The following ACOT13 variants were observed in gnomAD, a reference collection of about 807,000 sequenced individuals.
The protein encoded by ACOT13 is acyl-CoA thioesterase 13.
In ACOT13, 10 loss-of-function variants were observed where a neutral mutation model predicts 11.8. That is an observed-to-expected ratio of 0.85 (90% CI 0.53 to 1.44). ACOT13 has a LOEUF of 1.44. Ranked by LOEUF, ACOT13 falls within the 40% of genes most tolerant of loss-of-function variation. ACOT13 has a pLI of 0.00. For missense variants in ACOT13, 172 were observed against 174.1 expected (o/e 0.99, Z 0.07); for synonymous variants, 53 against 61.0 (o/e 0.87, Z 0.61).
chr6:24,685,332 C>CTTTTTTTTTTTTTTTTTTTTTT (rs563020332), intron 1 of ACOT13, among the ~76,000 whole-genome samples: 3 of 116,762 alleles, frequency 2.6e-5, no homozygotes, highest in Admixed American at 9.0e-5. Context: ...TTTTACTGTA[C>CTTTTTTTTTTTTTTTTTTTTTT]TTTTTTTTTT....
chr6:24,687,754 A>G lies in ACOT13; in HGVS notation c.82-10129A>G, dbSNP rs1778655801. 2.1e-6 allele frequency: 3 copies of G among 1,418,018 alleles called. No individual in the cohort carries two copies. In the African/African-American group the frequency reaches 4.9e-5, roughly 23 times the overall value. 87.8% of individuals were successfully genotyped at this position (1,418,018 alleles called of 1,614,324 possible). On this transcript the variant is annotated intron_variant, in intron 1 of 2. Transcript: ENST00000230048. ...GAGACAGAGTCTCACTTTATTGCCC[A>G]GGCTGGAGTACAATGGTACGATCTT...
In ACOT13 at chr6:24,671,657, A is replaced by G. The variant is rs1467080241; in HGVS notation, c.81+4313A>G. On this transcript the variant is annotated intron_variant, in intron 1 of 2. Coordinates refer to ENST00000230048, the MANE Select transcript of ACOT13 (RefSeq NM_018473.4). ...AAGAAAACATTATCAAGAATAAATAATGAATCTCAAAAAACAACAACAGCA... is the reference window on the plus strand; with the variant it reads ...AAGAAAACATTATCAAGAATAAATAGTGAATCTCAAAAAACAACAACAGCA... Among the ~76,000 whole-genome samples the G allele has an allele frequency of 3.9e-5, 6 of 152,170 alleles. No homozygotes were observed. The East Asian group carries it at 7.7e-4, about 19-fold the overall frequency.
chr6:24,704,602 C>G lies in ACOT13; in HGVS notation c.*2987C>G, dbSNP rs950562620. The G allele has an allele frequency of 1.3e-5, 2 of 152,180 alleles. No individual in the cohort carries two copies. The highest frequency in any genetic ancestry group is 4.8e-5 in the African/African-American group (2 of 41,452). 9.4% of individuals were successfully genotyped at this position (152,180 alleles called of 1,614,324 possible). A position where few individuals can be genotyped will look rare whatever the true frequency, so the allele number is the denominator to read the frequency against. On this transcript the variant is annotated 3_prime_UTR_variant, in exon 3 of 3. Transcript: ENST00000230048. ...TTCAAAATGTTATTTCAAATAGATTCTAATTTTTAAATAAGAGGACACATG... is the reference window on the plus strand; with the variant it reads ...TTCAAAATGTTATTTCAAATAGATTGTAATTTTTAAATAAGAGGACACATG...
At chr6:24,697,588 A>G (rs1043485546) in intron 1 of ACOT13, among the ~76,000 whole-genome samples, 1 of 152,220 alleles carries the variant, frequency 6.6e-6, no homozygotes, top group African/African-American at 2.4e-5. Flanking sequence ...CGAAGTTCCA[A>G]TGAGACATTA....
intron 1 of ACOT13, among the ~76,000 whole-genome samples, chr6:24,686,600 T>C (rs116071560): frequency 0.012 from 1,815 of 149,556 alleles, 25 homozygotes; most frequent in African/African-American, 0.032. Context: ...TTCCTTCCTT[T>C]CTTTCTTTTC....
At chr6:24,685,052 T>A (rs894745407) in intron 1 of ACOT13, among the ~76,000 whole-genome samples, 25 of 152,116 alleles carry the variant, frequency 1.6e-4, no homozygotes, top group African/African-American at 6.0e-4. Flanking sequence ...CTTAAATCTT[T>A]CCATACTTAA....
chr6:24,672,046 A>T lies in ACOT13; in HGVS notation c.81+4702A>T, dbSNP rs375322187. On this transcript the variant is annotated intron_variant, in intron 1 of 2. Transcript: ENST00000230048. ...TGGACTTCAGGGAATCTAATATCTT[A>T]AAGGACTAATTAGGTCAGAAAAAGA... 5.1e-4 allele frequency among the ~76,000 whole-genome samples: 77 copies of T among 152,376 alleles called. 2 individuals are homozygous for T. The East Asian group carries it at 8.9e-3, about 18-fold the overall frequency.
rs369757449 is a variant in ACOT13 at position 24,697,973 on chromosome 6, G to A, written c.172G>A (p.Gly58Ser). The A allele has an allele frequency of 4.8e-5, 77 of 1,613,672 alleles. No individual in the cohort carries two copies. The highest frequency in any genetic ancestry group is 6.1e-5 in the Non-Finnish European group (72 of 1,179,914). The part of the protein sequence containing the change: ...HTNAIGTLHG[G>S]LTATLVDNIS... ...CAATGCAATAGGCACTCTCCACGGC[G>A]GTTTGACAGCCACGTTAGTAGATAA... The change falls in exon 2 of 3, where the codon GGT becomes AGT. Residue 58 changes from glycine (G) to serine (S), a missense_variant. By Grantham distance (56) the Gly-to-Ser change is moderately conservative. Transcript: ENST00000230048.
intron 1 of ACOT13, among the ~76,000 whole-genome samples, chr6:24,674,208 C>T (rs1261774361): frequency 1.3e-5 from 2 of 152,104 alleles, no homozygotes; most frequent in African/African-American, 4.8e-5. Flanking sequence ...ATTACACGTG[C>T]ACCACAATGC....
chr6:24,693,655 T>C (rs1778750019), intron 1 of ACOT13, among the ~76,000 whole-genome samples: 1 of 152,064 alleles, frequency 6.6e-6, no homozygotes, highest in Non-Finnish European at 1.5e-5. Flanking sequence ...CTGTGTCATG[T>C]GGAGTGTCTC....
At chr6:24,668,819 G>A (rs1227194914) in intron 1 of ACOT13, among the ~76,000 whole-genome samples, 1 of 152,154 alleles carries the variant, frequency 6.6e-6, no homozygotes, top group Non-Finnish European at 1.5e-5. Flanking sequence ...TTTTTTTAAG[G>A]GATAACTTAC....
At chr6:24,681,820 A>G (rs1778556758) in intron 1 of ACOT13, among the ~76,000 whole-genome samples, 1 of 152,192 alleles carries the variant, frequency 6.6e-6, no homozygotes, top group African/African-American at 2.4e-5. Context: ...GGAGGCAGGG[A>G]TCAGAGGAAG....
At chr6:24,695,242 G>A (rs1464909859) in intron 1 of ACOT13, among the ~76,000 whole-genome samples, 1 of 152,200 alleles carries the variant, frequency 6.6e-6, no homozygotes, top group East Asian at 1.9e-4. Flanking sequence ...CTGGGATGCA[G>A]AGGTCGCAGT....
At chr6:24,686,519 G>A (rs1298651667) in intron 1 of ACOT13, among the ~76,000 whole-genome samples, 2 of 151,832 alleles carry the variant, frequency 1.3e-5, no homozygotes, top group African/African-American at 2.4e-5. Context: ...GCAAGAGAGA[G>A]GGAGTGCCAC....
intron 2 of ACOT13, among the ~76,000 whole-genome samples, chr6:24,699,500 G>T (rs927484183): frequency 2.0e-5 from 3 of 152,168 alleles, no homozygotes; most frequent in Non-Finnish European, 4.4e-5. Context: ...GTGAGCCACC[G>T]CGCCCAGCCA....
intron 1 of ACOT13, among the ~76,000 whole-genome samples, chr6:24,674,457 G>A (rs1045064335): frequency 7.2e-5 from 11 of 152,266 alleles, no homozygotes; most frequent in South Asian, 2.1e-4. Flanking sequence ...CACCCAGGCT[G>A]GAGTGCAGTT....
chr6:24,687,222 C>T (rs1426084734), intron 1 of ACOT13, among the ~76,000 whole-genome samples: 1 of 152,202 alleles, frequency 6.6e-6, no homozygotes, highest in Non-Finnish European at 1.5e-5. Flanking sequence ...TCTCCTTGCC[C>T]CCAGCTCTGG....
chr6:24,701,271 AGGAATGGG>A, intron 2 of ACOT13, 180 bp from the exon 3 acceptor site: 1 of 396,500 alleles, frequency 2.5e-6, no homozygotes, highest in East Asian at 3.8e-5. Context: ...TGTGTGGGTA[AGGAATGGG>A]TAAAATAGAA....
At chr6:24,685,332 CTTTTTTTTTTTTTT>C (rs563020332) in intron 1 of ACOT13, among the ~76,000 whole-genome samples, 11,277 of 116,596 alleles carry the variant, frequency 0.097, 507 homozygotes, top group South Asian at 0.23. Flanking sequence ...TTTTACTGTA[CTTTTTTTTTTTTTT>C]TTTTTTTTTT....
Sources: allele counts gnomAD v4.1 joint callset (sites outside exome capture counted in the v4.1 genomes callset), GRCh38; gene constraint gnomAD v4.1.1; transcripts MANE v1.5; gene names NCBI Gene and HGNC (gene_info 2026-07-23, HGNC 2026-07-21).